Variants in PPM1K observed in about 807,000 individuals in gnomAD.
The protein encoded by PPM1K is protein phosphatase Mn(2+)-dependent 1K.
In PPM1K, 19 loss-of-function variants were observed where a neutral mutation model predicts 32.6. The ratio of observed to expected loss-of-function variants is 0.58; its 90% CI spans 0.41 to 0.86. The LOEUF (loss-of-function observed/expected upper bound fraction) is 0.86. Among genes scored for constraint, PPM1K ranks in the 40% least tolerant of loss-of-function variants. PPM1K has a pLI of 0.00. For synonymous variants in PPM1K, 159 were observed against 165.3 expected, an observed-to-expected ratio of 0.96 and a Z score of 0.29; for missense variants, 362 against 461.2, an observed-to-expected ratio of 0.78 and a Z score of 1.97.
At position 88,282,529 on chromosome 4, in the gene PPM1K, C is replaced by G. The variant is rs552715812; in HGVS notation, c.-60+1877G>C. Reference sequence around the variant, plus strand: ...TTTTTAGAAAATCAATTAAGGCATCCCAGTAAATTCAAATAGTATGGAAAT... The same window carrying G: ...TTTTTAGAAAATCAATTAAGGCATCGCAGTAAATTCAAATAGTATGGAAAT... On this transcript the variant is annotated intron_variant, in intron 1 of 6. Coordinates refer to ENST00000608933, the MANE Select transcript of PPM1K (RefSeq NM_152542.5). Among the ~76,000 whole-genome samples the G allele has an allele frequency of 4.6e-5, 7 of 152,220 alleles. No homozygotes were observed. The South Asian group carries it at 1.5e-3, about 32-fold the overall frequency.
In PPM1K at chr4:88,265,033, G is replaced by A. The variant is rs748450800; in HGVS notation, c.955C>T (p.Pro319Ser). Reference sequence around the variant, plus strand: ...GTCACCGCATGGGCTGCTTCGTTGGGATCATGGCACTGATTGACAAAGTCA... The same window carrying A: ...GTCACCGCATGGGCTGCTTCGTTGGAATCATGGCACTGATTGACAAAGTCA... ...ICDFVNQCHD[P>S]NEAAHAVTEQ... is the part of the protein sequence containing the mutation. The change falls in exon 6 of 7, where the codon CCC becomes TCC. Residue 319 changes from proline (P) to serine (S), a missense_variant. Physicochemically the swap from Pro to Ser is moderately conservative, Grantham distance 74. Coordinates refer to ENST00000608933, the MANE Select transcript of PPM1K (RefSeq NM_152542.5). 5.0e-6 allele frequency: 8 copies of A among 1,614,038 alleles called. No individual in the cohort carries two copies. Among genetic ancestry groups the A allele is most frequent in the Non-Finnish European group, 6.8e-6 (8 of 1,180,050 alleles).
chr4:88,282,618 G>A (rs1477472584), intron 1 of PPM1K, among the ~76,000 whole-genome samples: 2 of 152,130 alleles, frequency 1.3e-5, no homozygotes, highest in Non-Finnish European at 2.9e-5. Context: ...CTGCTAGGAG[G>A]AAGGGAAAGA....
intron 3 of PPM1K, chr4:88,271,104 A>T (rs752760175): frequency 1.9e-6 from 1 of 518,732 alleles, no homozygotes; most frequent in South Asian, 1.4e-5. Flanking sequence ...CCTGGGACAA[A>T]ATTAAGCAGA....
rs894915120 is a variant in PPM1K, at chr4:88,278,674, C to T, written c.-59-32G>A. On this transcript the variant is annotated intron_variant, in intron 1 of 6. Transcript: ENST00000608933. The surrounding 1 kb of genome is among the most constrained non-coding windows in gnomAD (Gnocchi z 4.2). ...GAAAAATGATGCAAGTCACAGGGGA[C>T]AGAGGGAGAGAGGGGCAGAGGAGGA... 35 of 1,065,644 alleles carry T rather than the reference C, an allele frequency of 3.3e-5. No individual in the cohort carries two copies. The highest frequency in any genetic ancestry group is 4.3e-5 in the Non-Finnish European group (32 of 742,134). The allele number at this position is 1,065,644 out of a possible 1,614,324, so 66.0% of individuals were successfully genotyped here.
chr4:88,275,688 T>C (rs551257080), intron 3 of PPM1K: 12 of 985,372 alleles, frequency 1.2e-5, no homozygotes, highest in African/African-American at 1.0e-4. Flanking sequence ...TCAACAAACA[T>C]TGTGGTGTGA....
intron 1 of PPM1K, chr4:88,279,393 T>A (rs1731919894): frequency 6.6e-6 from 1 of 152,226 alleles, no homozygotes; most frequent in South Asian, 2.1e-4. Flanking sequence ...TAAGCCAGTT[T>A]TGATGCTCCC....
chr4:88,270,914 T>C, intron 3 of PPM1K: 1 of 297,440 alleles, frequency 3.4e-6, no homozygotes, highest in Non-Finnish European at 6.7e-6. Context: ...CATTTAACAT[T>C]TAACATGGAA....
At chr4:88,268,139 C>A in intron 5 of PPM1K, 51 bp downstream of exon 5, 1 of 1,585,728 alleles carries the variant, frequency 6.3e-7, no homozygotes, top group Non-Finnish European at 8.6e-7. Context: ...CAGAGACAAT[C>A]CTACATTCAC....
Position 88,262,188 on chromosome 4 carries a change from T to C in PPM1K, c.*407A>G, listed in dbSNP as rs980920699. 1 of 153,112 alleles carries C rather than the reference T, an allele frequency of 6.5e-6. No homozygotes were observed. The highest frequency in any genetic ancestry group is 2.4e-5 in the African/African-American group (1 of 41,420). The allele number at this position is 153,112 out of a possible 1,614,324, so 9.5% of individuals were successfully genotyped here. A position where few individuals can be genotyped will look rare whatever the true frequency, so the allele number is the denominator to read the frequency against. ...AAAAAAATTTTTTTAAACTTGGAGA[T>C]CACATATTGAATAGCTGTCAAAATT... is the stretch of plus-strand genomic sequence containing the variant. On this transcript the variant is annotated 3_prime_UTR_variant, in exon 7 of 7. Transcript: ENST00000608933.
At chr4:88,279,768 C>A (rs1013810468) in intron 1 of PPM1K, 1 of 152,120 alleles carries the variant, frequency 6.6e-6, no homozygotes, top group Non-Finnish European at 1.5e-5. Flanking sequence ...TTACTTTATT[C>A]TTTTAAAATC....
At chr4:88,267,068 GTGCAGGTGATGCTGATTGGA>G (rs1731353902) in intron 5 of PPM1K, among the ~76,000 whole-genome samples, 3 of 147,372 alleles carry the variant, frequency 2.0e-5, no homozygotes, top group Non-Finnish European at 4.5e-5. Context: ...TGCTGATTGG[GTGCAGGTGATGCTGATTGGA>G]TGCAGGTGAT....
chr4:88,277,074 G>T, intron 3 of PPM1K, 69 bp downstream of exon 3: 1 of 1,205,136 alleles, frequency 8.3e-7, no homozygotes, highest in Non-Finnish European at 1.2e-6. Flanking sequence ...GACTTAAAGT[G>T]TTTCCTTTTT....
intron 4 of PPM1K, 39 bp downstream of exon 4, chr4:88,268,702 T>C (rs1227370341): frequency 1.3e-6 from 2 of 1,574,366 alleles, no homozygotes; most frequent in African/African-American, 2.7e-5. Flanking sequence ...AAAAACATCA[T>C]CCACATAGAA....
At chr4:88,266,111 G>A (rs1361457895) in intron 5 of PPM1K, among the ~76,000 whole-genome samples, 1 of 152,190 alleles carries the variant, frequency 6.6e-6, no homozygotes, top group Non-Finnish European at 1.5e-5. Context: ...CACACGATGT[G>A]GGATATCTAT....
intron 3 of PPM1K, among the ~76,000 whole-genome samples, chr4:88,272,929 C>T (rs554479607): frequency 1.9e-4 from 29 of 152,282 alleles, no homozygotes; most frequent in Non-Finnish European, 3.1e-4. Context: ...TGGTTGGCAT[C>T]GTCTCATTTC....
At chr4:88,275,282 T>C (rs542117132) in intron 3 of PPM1K, 2 of 841,950 alleles carry the variant, frequency 2.4e-6, no homozygotes, top group African/African-American at 3.7e-5. Flanking sequence ...ATTCCAATTT[T>C]AGTGTATGTG....
chr4:88,281,625 A>T (rs1732011347), intron 1 of PPM1K, among the ~76,000 whole-genome samples: 1 of 110,414 alleles, frequency 9.1e-6, no homozygotes, highest in Non-Finnish European at 1.8e-5. Flanking sequence ...TGTGACCCAG[A>T]TATATAGCTA....
In PPM1K at chr4:88,262,453, T is replaced by C; in HGVS notation, c.*142A>G. Reference sequence around the variant, plus strand: ...CAGCGGAACATAAATATGATGAGCATTTATGAAAAAACTACTATCTAAGTG... The same window carrying C: ...CAGCGGAACATAAATATGATGAGCACTTATGAAAAAACTACTATCTAAGTG... On this transcript the variant is annotated 3_prime_UTR_variant, in exon 7 of 7. Transcript: ENST00000608933. The C allele has an allele frequency of 1.3e-6, 1 of 794,594 alleles. No homozygotes were observed. The highest frequency in any genetic ancestry group is 2.0e-6 in the Non-Finnish European group (1 of 512,038). The allele number at this position is 794,594 out of a possible 1,614,324, so 49.2% of individuals were successfully genotyped here.
chr4:88,275,156 A>T (rs1327704638), intron 3 of PPM1K: 1 of 521,958 alleles, frequency 1.9e-6, no homozygotes, highest in South Asian at 8.5e-5. Context: ...TAAATTAAAT[A>T]ATGCATTTTA....
Sources: gnomAD v4.1 joint callset for allele counts (sites outside exome capture counted in the v4.1 genomes callset) on GRCh38, gnomAD v4.1.1 for gene constraint, Gnocchi (gnomAD v3.1) non-coding constraint, MANE v1.5 for transcripts, NCBI Gene and HGNC (gene_info 2026-07-23, HGNC 2026-07-21) for gene names.